TAFA2: variants seen among roughly 807,000 people sequenced by gnomAD.
TAFA2 encodes the protein TAFA chemokine like family member 2, also known as chemokine-like protein TAFA-2.
TAFA2 carries 7 observed loss-of-function variants against 18.8 expected under a neutral mutation model. The ratio of observed to expected loss-of-function variants is 0.37; its 90% CI spans 0.21 to 0.70. TAFA2 has a LOEUF of 0.70. Among genes scored for constraint, TAFA2 ranks in the 30% least tolerant of loss-of-function variants. The probability of loss-of-function intolerance (pLI) is 0.53; values close to 1 mark genes in which losing one functional copy is unlikely to be tolerated. For synonymous variants in TAFA2, 60 were observed against 54.2 expected (o/e 1.11, Z -0.47); for missense variants, 122 against 158.1 (o/e 0.77, Z 1.23).
chr12:62,102,491 G>A (rs981330646), intron 1 of TAFA2, among the ~76,000 whole-genome samples: 1 of 152,174 alleles, frequency 6.6e-6, no homozygotes, highest in African/African-American at 2.4e-5. Context: ...CTGGTGACTA[G>A]GGTAACGTGT....
intron 1 of TAFA2, among the ~76,000 whole-genome samples, chr12:62,218,689 A>G (rs1361358905): frequency 6.6e-6 from 1 of 152,172 alleles, no homozygotes; most frequent in Admixed American, 6.5e-5. Context: ...AATGAAATAG[A>G]TGTTTCAGAT....
chr12:61,828,820 C>T (rs951002233), intron 2 of TAFA2, among the ~76,000 whole-genome samples: 45 of 151,666 alleles, frequency 3.0e-4, no homozygotes, highest in African/African-American at 6.8e-4. Flanking sequence ...ATAAATTTAA[C>T]GAATCAAATT....
At chr12:61,964,494 G>A (rs767102187) in intron 1 of TAFA2, among the ~76,000 whole-genome samples, 1 of 151,718 alleles carries the variant, frequency 6.6e-6, no homozygotes, top group African/African-American at 2.4e-5. Context: ...AATGTTCCAA[G>A]CACTTCAAAT....
At chr12:61,941,330 C>G (rs538834694) in intron 1 of TAFA2, among the ~76,000 whole-genome samples, 1 of 152,242 alleles carries the variant, frequency 6.6e-6, no homozygotes, top group East Asian at 1.9e-4. Context: ...AATGTGGCTA[C>G]TAGAAAATTT....
chr12:61,768,349 A>T (rs1869877609), intron 2 of TAFA2, among the ~76,000 whole-genome samples: 1 of 152,118 alleles, frequency 6.6e-6, no homozygotes, highest in Non-Finnish European at 1.5e-5. Flanking sequence ...GGCAGCTCCC[A>T]CTCGGATGGA....
At chr12:61,976,486 A>G (rs966221140) in intron 1 of TAFA2, among the ~76,000 whole-genome samples, 1 of 151,968 alleles carries the variant, frequency 6.6e-6, no homozygotes. Context: ...AATCATCTAA[A>G]CAGGCATTTA....
intron 1 of TAFA2, among the ~76,000 whole-genome samples, chr12:61,950,365 A>G (rs1159511466): frequency 2.0e-5 from 3 of 152,156 alleles, no homozygotes; most frequent in Non-Finnish European, 2.9e-5. Flanking sequence ...CTGCTGCACC[A>G]TTTTATAGCA....
chr12:62,171,262 T>G (rs2062476261), intron 1 of TAFA2, among the ~76,000 whole-genome samples: 1 of 152,148 alleles, frequency 6.6e-6, no homozygotes. Context: ...AGAACATAAA[T>G]AAGCAAATCC....
intron 2 of TAFA2, among the ~76,000 whole-genome samples, chr12:61,796,027 T>A (rs11174177): frequency 0.34 from 51,768 of 151,910 alleles, 9,153 homozygotes; most frequent in Non-Finnish European, 0.39. Flanking sequence ...AGTCTCATAC[T>A]CTCCTAGTGG....
intron 2 of TAFA2, among the ~76,000 whole-genome samples, chr12:61,794,097 C>T (rs1276656149): frequency 6.6e-6 from 1 of 151,898 alleles, no homozygotes; most frequent in Non-Finnish European, 1.5e-5. Flanking sequence ...AACTATCATA[C>T]ATAATCCTGA....
At chr12:62,134,472 A>G (rs1870816218) in intron 1 of TAFA2, among the ~76,000 whole-genome samples, 2 of 151,966 alleles carry the variant, frequency 1.3e-5, no homozygotes, top group African/African-American at 4.8e-5. Context: ...CCATCAGCAG[A>G]TACTGAATCC....
At chr12:61,763,395 G>A (rs1869645963) in intron 2 of TAFA2, among the ~76,000 whole-genome samples, 2 of 151,982 alleles carry the variant, frequency 1.3e-5, no homozygotes, top group Non-Finnish European at 2.9e-5. Flanking sequence ...TCTCTTTTAA[G>A]AGAAAGCGAC....
chr12:61,739,817 G>T (rs757116665), intron 4 of TAFA2, among the ~76,000 whole-genome samples: 17 of 152,066 alleles, frequency 1.1e-4, no homozygotes, highest in Non-Finnish European at 2.2e-4. Context: ...TGTAATTGAA[G>T]TTGGGGGTTG....
At chr12:62,040,805 C>T (rs184870166) in intron 1 of TAFA2, among the ~76,000 whole-genome samples, 2 of 152,124 alleles carry the variant, frequency 1.3e-5, no homozygotes, top group Non-Finnish European at 2.9e-5. Context: ...GAGAGGAGTG[C>T]TATACCATAG....
At chr12:62,132,245 A>G (rs1474087784) in intron 1 of TAFA2, among the ~76,000 whole-genome samples, 2 of 151,842 alleles carry the variant, frequency 1.3e-5, no homozygotes, top group African/African-American at 2.4e-5. Flanking sequence ...AGCACTTAAC[A>G]TGAAAATATT....
chr12:62,000,961 A>G (rs554664183), intron 1 of TAFA2, among the ~76,000 whole-genome samples: 1 of 152,342 alleles, frequency 6.6e-6, no homozygotes, highest in East Asian at 1.9e-4. Context: ...AAAAATATTT[A>G]TAGAAGTAAA....
rs1291355283 is a variant in TAFA2, at chr12:62,090,922, G to C, written c.-2+100337C>G. The stretch of plus-strand genomic sequence containing the variant: ...CAATAATTAAGATAGAATGATGCTG[G>C]CAAAGCTGAGTTTTTACCTCATATA... On this transcript the variant is annotated intron_variant, in intron 1 of 4. Coordinates refer to ENST00000416284, the MANE Select transcript of TAFA2 (RefSeq NM_178539.5). Among the ~76,000 whole-genome samples the C allele has an allele frequency of 2.6e-5, 4 of 152,078 alleles. No homozygotes were observed. In the East Asian group the frequency reaches 7.7e-4, roughly 29 times the overall value.
chr12:61,785,173 A>G (rs1009125458), intron 2 of TAFA2, among the ~76,000 whole-genome samples: 16 of 151,558 alleles, frequency 1.1e-4, no homozygotes, highest in African/African-American at 3.9e-4. Flanking sequence ...TATAAGATCA[A>G]CTTTTTTTAG....
At chr12:62,238,583 C>A (rs1017018600) in intron 1 of TAFA2, among the ~76,000 whole-genome samples, 2 of 152,144 alleles carry the variant, frequency 1.3e-5, no homozygotes, top group Non-Finnish European at 2.9e-5. Flanking sequence ...CAGAGTTAGA[C>A]ATTTTGATTC....
Sources: allele counts gnomAD v4.1 joint callset (sites outside exome capture counted in the v4.1 genomes callset), GRCh38; gene constraint gnomAD v4.1.1; transcripts MANE v1.5; gene names NCBI Gene and HGNC (gene_info 2026-07-23, HGNC 2026-07-21).